MYRIP: variants seen among roughly 807,000 people sequenced by gnomAD.
MYRIP encodes myosin VIIA and Rab interacting protein.
A neutral mutation model predicts 98.0 loss-of-function variants in MYRIP; 49 were observed. That is an observed-to-expected ratio of 0.50 (90% CI 0.40 to 0.63). MYRIP has a LOEUF of 0.63. Among genes scored for constraint, MYRIP ranks in the 30% least tolerant of loss-of-function variants. The pLI is 0.00. For missense variants in MYRIP, 1,004 were observed against 1,058.2 expected, an observed-to-expected ratio of 0.95 and a Z score of 0.71; for synonymous variants, 404 against 409.5, an observed-to-expected ratio of 0.99 and a Z score of 0.16.
At chr3:40,123,101 A>G (rs3108335) in intron 3 of MYRIP, among the ~76,000 whole-genome samples, 114,441 of 152,126 alleles carry the variant, frequency 0.75, 44,135 homozygotes, top group Non-Finnish European at 0.83. Context: ...TGACTATTGT[A>G]ATGATTTAAA....
intron 13 of MYRIP, among the ~76,000 whole-genome samples, chr3:40,249,244 G>T (rs1389377803): frequency 6.6e-6 from 1 of 152,194 alleles, no homozygotes; most frequent in African/African-American, 2.4e-5. Flanking sequence ...CACTCAGAAT[G>T]TACCATCTCA....
chr3:39,963,609 T>C (rs1191937164), intron 2 of MYRIP, among the ~76,000 whole-genome samples: 1 of 152,180 alleles, frequency 6.6e-6, no homozygotes. Flanking sequence ...TGTTGCTATT[T>C]AAACATAATA....
At chr3:39,972,231 G>A (rs1945604819) in intron 2 of MYRIP, among the ~76,000 whole-genome samples, 1 of 151,964 alleles carries the variant, frequency 6.6e-6, no homozygotes, top group South Asian at 2.1e-4. Flanking sequence ...CTTTCAGTGG[G>A]AATAATTATT....
At chr3:40,140,454 T>C (rs1949867350) in intron 3 of MYRIP, among the ~76,000 whole-genome samples, 1 of 152,242 alleles carries the variant, frequency 6.6e-6, no homozygotes, top group African/African-American at 2.4e-5. Context: ...GGTATAATGA[T>C]TTCCTTTCAT....
intron 1 of MYRIP, among the ~76,000 whole-genome samples, chr3:39,889,188 T>C (rs1005115593): frequency 2.6e-5 from 4 of 152,208 alleles, no homozygotes; most frequent in African/African-American, 9.6e-5. Flanking sequence ...GGTATATACC[T>C]AAAGGAGTAT....
intron 1 of MYRIP, among the ~76,000 whole-genome samples, chr3:39,839,259 G>A (rs1010396761): frequency 6.9e-6 from 1 of 145,334 alleles, no homozygotes; most frequent in African/African-American, 2.5e-5. Context: ...TGCTTTTCTA[G>A]TTTTTTTTTT....
At chr3:40,022,027 A>G (rs930204317) in intron 2 of MYRIP, among the ~76,000 whole-genome samples, 1 of 152,250 alleles carries the variant, frequency 6.6e-6, no homozygotes, top group Non-Finnish European at 1.5e-5. Flanking sequence ...TCAAATGTTC[A>G]GTTGTTTTGC....
At chr3:39,886,992 T>C (rs1012948968) in intron 1 of MYRIP, among the ~76,000 whole-genome samples, 4 of 151,844 alleles carry the variant, frequency 2.6e-5, no homozygotes, top group Admixed American at 6.6e-5. Flanking sequence ...AAACTGTCTC[T>C]CAGACCACAG....
intron 2 of MYRIP, among the ~76,000 whole-genome samples, chr3:40,014,249 G>A (rs970090182): frequency 1.3e-5 from 2 of 152,082 alleles, no homozygotes; most frequent in African/African-American, 4.8e-5. Context: ...ATCTTAAAAG[G>A]CTCCTTTGGT....
chr3:39,907,302 G>T (rs1943902998), intron 2 of MYRIP, among the ~76,000 whole-genome samples: 1 of 152,186 alleles, frequency 6.6e-6, no homozygotes, highest in African/African-American at 2.4e-5. Flanking sequence ...TAAATAGACT[G>T]TCACCTGTGT....
At chr3:40,083,740 G>A (rs1329359705) in intron 3 of MYRIP, among the ~76,000 whole-genome samples, 1 of 152,140 alleles carries the variant, frequency 6.6e-6, no homozygotes, top group Non-Finnish European at 1.5e-5. Context: ...AACCATGGAG[G>A]CCAGAAGGAA....
At chr3:40,061,048 C>G (rs571483518) in intron 3 of MYRIP, among the ~76,000 whole-genome samples, 1 of 152,028 alleles carries the variant, frequency 6.6e-6, no homozygotes, top group African/African-American at 2.4e-5. Context: ...TTCTAAAAGC[C>G]CTACTTTTTG....
At chr3:39,850,262 G>T (rs1028305234) in intron 1 of MYRIP, among the ~76,000 whole-genome samples, 2 of 152,216 alleles carry the variant, frequency 1.3e-5, no homozygotes, top group African/African-American at 2.4e-5. Flanking sequence ...CCTCCCCTGT[G>T]GGTCAGCCCA....
intron 3 of MYRIP, among the ~76,000 whole-genome samples, chr3:40,131,510 G>T (rs74467978): frequency 0.091 from 13,770 of 152,150 alleles, 1,329 homozygotes; most frequent in African/African-American, 0.23. Context: ...AGTGAGGAGG[G>T]TAGAGCTCCC....
chr3:40,009,220 A>AT (rs1946701108), intron 2 of MYRIP, among the ~76,000 whole-genome samples: 1 of 149,786 alleles, frequency 6.7e-6, no homozygotes. Flanking sequence ...CAGTGGAGGG[A>AT]TGACAAACTG....
intron 1 of MYRIP, among the ~76,000 whole-genome samples, chr3:39,853,811 G>A (rs1942209532): frequency 6.6e-6 from 1 of 151,754 alleles, no homozygotes; most frequent in South Asian, 2.1e-4. Flanking sequence ...TTGCGTTCTC[G>A]GTCATGATCT....
intron 11 of MYRIP, among the ~76,000 whole-genome samples, chr3:40,225,207 A>C (rs1952454697): frequency 6.6e-6 from 1 of 152,084 alleles, no homozygotes; most frequent in African/African-American, 2.4e-5. Context: ...TTCCACTTGG[A>C]ACAGGTTTTC....
At chr3:40,242,853 A>AT (rs1415664950) in intron 12 of MYRIP, among the ~76,000 whole-genome samples, 5 of 151,610 alleles carry the variant, frequency 3.3e-5, no homozygotes, top group Admixed American at 6.6e-5. Context: ...ACCCCCAATT[A>AT]TTTTTTTACC....
chr3:40,111,660 T>A (rs532094224), intron 3 of MYRIP, among the ~76,000 whole-genome samples: 1 of 152,044 alleles, frequency 6.6e-6, no homozygotes. Context: ...GCCTGGCTTG[T>A]GGGCTCTGAG....
Sources: gnomAD v4.1 joint callset for allele counts (sites outside exome capture counted in the v4.1 genomes callset) on GRCh38, gnomAD v4.1.1 for gene constraint, MANE v1.5 for transcripts, NCBI Gene and HGNC (gene_info 2026-07-23, HGNC 2026-07-21) for gene names.